ANXA6: variants seen among roughly 807,000 people sequenced by gnomAD.
ANXA6 encodes the protein annexin A6.
Under a neutral mutation model 95.4 loss-of-function variants are expected in ANXA6, and 71 were observed. The observed-to-expected ratio is 0.74, with a 90% confidence interval of 0.61 to 0.91. ANXA6 has a LOEUF of 0.91. ANXA6 is among the 40% of genes least tolerant of loss of function. ANXA6 has a pLI of 0.00. For synonymous variants in ANXA6, 289 were observed against 315.9 expected (o/e 0.91, Z 0.90); for missense variants, 830 against 876.4 (o/e 0.95, Z 0.67).
intron 14 of ANXA6, among the ~76,000 whole-genome samples, chr5:151,125,835 T>C (rs761114158): frequency 5.3e-5 from 8 of 152,036 alleles, no homozygotes; most frequent in Non-Finnish European, 1.0e-4. Context: ...CCCCTCACTT[T>C]AAAGATGGAG....
At chr5:151,106,352 G>A (rs548478181) in intron 23 of ANXA6, among the ~76,000 whole-genome samples, 30 of 152,210 alleles carry the variant, frequency 2.0e-4, no homozygotes, top group Admixed American at 1.7e-3. Flanking sequence ...GAGAACAGAC[G>A]GCAAGAGGCT....
intron 13 of ANXA6, among the ~76,000 whole-genome samples, 162 bp downstream of exon 13, chr5:151,128,019 G>A (rs1361350176): frequency 1.3e-5 from 2 of 152,112 alleles, no homozygotes; most frequent in African/African-American, 4.8e-5. Flanking sequence ...AGACCCACAA[G>A]CACAGCAGCT....
intron 16 of ANXA6, 97 bp downstream of exon 16, chr5:151,122,820 C>G: frequency 9.3e-7 from 1 of 1,070,502 alleles, no homozygotes; most frequent in Non-Finnish European, 1.4e-6. Flanking sequence ...CCATGAAGAC[C>G]CTGGTGCCCA....
chr5:151,122,380 T>C, intron 16 of ANXA6, 120 bp from the exon 17 acceptor site: 1 of 640,178 alleles, frequency 1.6e-6, no homozygotes, highest in Non-Finnish European at 2.7e-6. Flanking sequence ...AGCTTGTGTC[T>C]GTCTTTGCTG....
At chr5:151,146,341 T>TA (rs1765975130) in intron 2 of ANXA6, among the ~76,000 whole-genome samples, 1 of 152,204 alleles carries the variant, frequency 6.6e-6, no homozygotes, top group Admixed American at 6.5e-5. Flanking sequence ...TTTTTGCCCA[T>TA]AATCAGTAAC....
intron 2 of ANXA6, among the ~76,000 whole-genome samples, chr5:151,140,804 G>A (rs779990535): frequency 2.6e-5 from 4 of 152,038 alleles, no homozygotes; most frequent in African/African-American, 7.2e-5. Flanking sequence ...ATTTGTAGAC[G>A]CTCTTAAGAT....
At chr5:151,120,580 G>A (rs1049109870) in intron 17 of ANXA6, among the ~76,000 whole-genome samples, 10 of 152,240 alleles carry the variant, frequency 6.6e-5, no homozygotes, top group African/African-American at 2.2e-4. Context: ...TTAGCTGGTC[G>A]TGGTGGCGTG....
Position 151,128,194 on chromosome 5 carries a change from C to A in ANXA6, c.964G>T (p.Gly322Trp). The change falls in exon 13 of 26, where the codon GGG becomes TGG. Residue 322 changes from glycine (G) to tryptophan (W), a missense_variant. Coordinates refer to ENST00000354546, the MANE Select transcript of ANXA6 (RefSeq NM_001155.5). Reference sequence around the variant, plus strand: ...GAAGCCACTTACTCATCATCTCCCCCAGACAGCTTCAGCAGAGTCTTCTTG... The same window carrying A: ...GAAGCCACTTACTCATCATCTCCCCAAGACAGCTTCAGCAGAGTCTTCTTG... ...EYKKTLLKLS[G>W]GDDDAAGQFF... is the part of the protein sequence containing the mutation. The A allele has an allele frequency of 1.9e-6, 3 of 1,612,538 alleles. No individual in the cohort carries two copies. Among genetic ancestry groups the A allele is most frequent in the Non-Finnish European group, 2.5e-6 (3 of 1,179,360 alleles).
chr5:151,117,324 G>T (rs904895779), intron 19 of ANXA6, 144 bp from the exon 20 acceptor site: 3 of 732,834 alleles, frequency 4.1e-6, no homozygotes, highest in Admixed American at 3.3e-5. Context: ...CCTCTATAAG[G>T]TAGGCTGTTG....
Position 151,107,795 on chromosome 5 carries a change from G to A in ANXA6, c.1780+660C>T, listed in dbSNP as rs182054443. On this transcript the variant is annotated intron_variant, in intron 23 of 25. Transcript: ENST00000354546. Reference sequence around the variant, plus strand: ...GGGAAAAACCTTTTCAAAGTCAAGAGCTCAAATTATATAAGCGTAACCAAA... The same window carrying A: ...GGGAAAAACCTTTTCAAAGTCAAGAACTCAAATTATATAAGCGTAACCAAA... 4.3e-3 allele frequency among the ~76,000 whole-genome samples: 649 copies of A among 152,324 alleles called. 3 individuals carry two copies. Among genetic ancestry groups the A allele is most frequent in the African/African-American group, 0.011 (478 of 41,576 alleles).
At position 151,108,376 on chromosome 5, in the gene ANXA6, C is replaced by T. The variant is rs150078324; in HGVS notation, c.1780+79G>A. Reference sequence around the variant, plus strand: ...TACTTTCCAGTAGTAGCTTCGGAGGCTGCCAAGGTTCTATTCTTCCAGAGA... The same window carrying T: ...TACTTTCCAGTAGTAGCTTCGGAGGTTGCCAAGGTTCTATTCTTCCAGAGA... On this transcript the variant is annotated intron_variant, in intron 23 of 25. Transcript: ENST00000354546. 1,786 of 1,327,300 alleles carry T rather than the reference C, an allele frequency of 1.3e-3. 3 individuals carry two copies. Among genetic ancestry groups the T allele is most frequent in the Non-Finnish European group, 1.6e-3 (1,494 of 921,828 alleles). The allele number at this position is 1,327,300 out of a possible 1,614,324, so 82.2% of individuals were successfully genotyped here. A position where few individuals can be genotyped will look rare whatever the true frequency, so the allele number is the denominator to read the frequency against.
At chr5:151,105,046 G>T (rs766082651) in intron 24 of ANXA6, among the ~76,000 whole-genome samples, 199 bp downstream of exon 24, 1 of 152,192 alleles carries the variant, frequency 6.6e-6, no homozygotes, top group Non-Finnish European at 1.5e-5. Flanking sequence ...ATATCCTCCG[G>T]GGCGGGGGAA....
chr5:151,148,546 T>C (rs577306933), intron 1 of ANXA6, among the ~76,000 whole-genome samples: 2 of 152,340 alleles, frequency 1.3e-5, no homozygotes, highest in South Asian at 4.1e-4. Flanking sequence ...GCGCCTATCC[T>C]AGTCAGGCAT....
At chr5:151,107,043 G>A (rs1213191548) in intron 23 of ANXA6, among the ~76,000 whole-genome samples, 2 of 152,228 alleles carry the variant, frequency 1.3e-5, no homozygotes, top group African/African-American at 2.4e-5. Context: ...TAGGCAGCCT[G>A]TGGTTTGAGT....
chr5:151,133,090 T>G lies in ANXA6; in HGVS notation c.640+4A>C. The stretch of plus-strand genomic sequence containing the variant: ...AGCAGCTTCAGGTCTTCTCTGGAGC[T>G]TACCCAACCGAAGATGCTGCTTGCT... On this transcript the variant is annotated splice_donor_region_variant and intron_variant, in intron 9 of 25. Coordinates refer to ENST00000354546, the MANE Select transcript of ANXA6 (RefSeq NM_001155.5). The G allele has an allele frequency of 6.3e-7, 1 of 1,586,674 alleles. No homozygotes were observed. The highest frequency in any genetic ancestry group is 1.2e-5 in the South Asian group (1 of 86,702).
At chr5:151,126,070 C>T (rs576007122) in intron 14 of ANXA6, among the ~76,000 whole-genome samples, 1 of 152,298 alleles carries the variant, frequency 6.6e-6, no homozygotes, top group Admixed American at 6.5e-5. Flanking sequence ...CCCAGGGATG[C>T]CCATCTGTTC....
chr5:151,113,101 G>A (rs1017116250), intron 20 of ANXA6, among the ~76,000 whole-genome samples: 1 of 152,086 alleles, frequency 6.6e-6, no homozygotes, highest in Admixed American at 6.6e-5. Flanking sequence ...CCACTGAACT[G>A]TATACTTTAA....
At position 151,124,731 on chromosome 5, in the gene ANXA6, T is replaced by C. The variant is rs542430567; in HGVS notation, c.1057-364A>G. Among the ~76,000 whole-genome samples, 779 of 152,260 alleles carry C rather than the reference T, an allele frequency of 5.1e-3. 4 individuals are homozygous for C. Among genetic ancestry groups the C allele is most frequent in the Non-Finnish European group, 8.2e-3 (560 of 67,988 alleles). On this transcript the variant is annotated intron_variant, in intron 14 of 25. Coordinates refer to ENST00000354546, the MANE Select transcript of ANXA6 (RefSeq NM_001155.5). The stretch of plus-strand genomic sequence containing the variant: ...GGGCATCCCCAATTCTTCTGAATCC[T>C]ACCCTGCCCCCGAGGCCCCCTCTGC...
chr5:151,152,026 C>T lies in ANXA6; in HGVS notation c.-25-4100G>A, dbSNP rs181392304. Among the ~76,000 whole-genome samples, 335 of 152,322 alleles carry T rather than the reference C, an allele frequency of 2.2e-3. 1 individual carries two copies. Among genetic ancestry groups the T allele is most frequent in the African/African-American group, 7.4e-3 (309 of 41,550 alleles). On this transcript the variant is annotated intron_variant, in intron 1 of 25. Transcript: ENST00000354546. ...CAATCACGTTTTCCTCCTTCCCCTT[C>T]GAGAGTTCCAGGCTGACTCTAGAAG... is the stretch of plus-strand genomic sequence containing the variant.
Sources: allele counts gnomAD v4.1 joint callset (sites outside exome capture counted in the v4.1 genomes callset), GRCh38; gene constraint gnomAD v4.1.1; transcripts MANE v1.5; gene names NCBI Gene and HGNC (gene_info 2026-07-23, HGNC 2026-07-21).